ARMC9: variants seen among roughly 807,000 people sequenced by gnomAD.
ARMC9 encodes armadillo repeat containing 9.
Under a neutral mutation model 107.0 loss-of-function variants are expected in ARMC9, and 94 were observed. The ratio of observed to expected loss-of-function variants is 0.88; its 90% CI spans 0.74 to 1.04. The LOEUF (loss-of-function observed/expected upper bound fraction) is 1.04. Among genes scored for constraint, ARMC9 ranks in the 50% least tolerant of loss-of-function variants. The pLI, the probability that ARMC9 is intolerant of heterozygous loss-of-function variation, is 0.00. For missense variants in ARMC9, 942 were observed against 1,030.1 expected (o/e 0.91, Z 1.17); for synonymous variants, 380 against 396.9 (o/e 0.96, Z 0.51).
intron 14 of ARMC9, among the ~76,000 whole-genome samples, chr2:231,275,694 C>G (rs546024385): frequency 6.6e-6 from 1 of 152,220 alleles, no homozygotes; most frequent in Non-Finnish European, 1.5e-5. Context: ...TGGCTCACGC[C>G]TGTAATCCCA....
At chr2:231,315,252 A>C (rs1463360253) in intron 19 of ARMC9, among the ~76,000 whole-genome samples, 2 of 144,918 alleles carry the variant, frequency 1.4e-5, no homozygotes, top group African/African-American at 2.6e-5. Flanking sequence ...AAAAAAAAAA[A>C]AAAATGCTGG....
intron 5 of ARMC9, among the ~76,000 whole-genome samples, chr2:231,217,800 C>G (rs906803881): frequency 3.9e-5 from 6 of 152,254 alleles, no homozygotes; most frequent in Admixed American, 3.9e-4. Context: ...AAGCGATTCT[C>G]TTGCCTCAGC....
chr2:231,262,307 G>T lies in ARMC9; in HGVS notation c.1028G>T (p.Arg343Leu). The T allele has an allele frequency of 6.2e-7, 1 of 1,614,046 alleles. No individual in the cohort carries two copies. The highest frequency in any genetic ancestry group is 8.5e-7 in the Non-Finnish European group (1 of 1,179,978). Reference protein sequence around the residue: ...KAFLLQALRWRLTTSHPGEQR... With the variant: ...KAFLLQALRWLLTTSHPGEQR... ...TACTTTTGTTTTTCTTTGCTCCAGC[G>T]CTTGACCACATCCCATCCTGGAGAG... Residue 343 changes from arginine (R) to leucine (L), a missense_variant and splice_region_variant, in exon 12 of 25, where the codon CGC becomes CTC. Coordinates refer to ENST00000611582, the MANE Select transcript of ARMC9 (RefSeq NM_001352754.2).
chr2:231,231,360 A>ACT (rs1323292489), intron 7 of ARMC9, among the ~76,000 whole-genome samples: 1 of 151,476 alleles, frequency 6.6e-6, no homozygotes, highest in African/African-American at 2.4e-5. Context: ...CTAATTTTGA[A>ACT]CTCTCTATAT....
At chr2:231,287,856 T>G (rs1437963855) in intron 17 of ARMC9, among the ~76,000 whole-genome samples, 2 of 152,190 alleles carry the variant, frequency 1.3e-5, no homozygotes, top group East Asian at 3.8e-4. Context: ...ATCAGAATGT[T>G]CATTCCAGCT....
At chr2:231,198,794 A>C (rs2030171865) in intron 1 of ARMC9, 96 bp downstream of exon 1, 1 of 152,100 alleles carries the variant, frequency 6.6e-6, no homozygotes, top group Non-Finnish European at 1.5e-5. Flanking sequence ...GGCTCTGCGG[A>C]CCTCTTGTTC....
intron 17 of ARMC9, among the ~76,000 whole-genome samples, chr2:231,282,927 T>G (rs1298784438): frequency 6.6e-6 from 1 of 152,126 alleles, no homozygotes; most frequent in Non-Finnish European, 1.5e-5. Context: ...TTATGGTCAT[T>G]TAGGTGAAAG....
chr2:231,231,825 A>C (rs905723739), intron 7 of ARMC9, among the ~76,000 whole-genome samples: 1 of 151,576 alleles, frequency 6.6e-6, no homozygotes, highest in African/African-American at 2.4e-5. Flanking sequence ...AGTAGCTGGG[A>C]TTACAAGAGT....
At chr2:231,217,001 G>A (rs2033580340) in intron 5 of ARMC9, among the ~76,000 whole-genome samples, 1 of 152,168 alleles carries the variant, frequency 6.6e-6, no homozygotes, top group South Asian at 2.1e-4. Context: ...ACTAGCAGTG[G>A]TTTGCAACTT....
At position 231,216,988 on chromosome 2, in the gene ARMC9, T is replaced by G. The variant is rs533985295; in HGVS notation, c.504+195T>G. On this transcript the variant is annotated intron_variant, in intron 5 of 24. Coordinates refer to ENST00000611582, the MANE Select transcript of ARMC9 (RefSeq NM_001352754.2). ...TAGTTAGGTTTGGTTTTTGCCATCC[T>G]ATACTAGCAGTGGTTTGCAACTTCT... 1.9e-3 allele frequency among the ~76,000 whole-genome samples: 297 copies of G among 152,380 alleles called. 1 individual carries two copies. The highest frequency in any genetic ancestry group is 6.9e-3 in the African/African-American group (285 of 41,594).
chr2:231,204,894 G>C (rs1462126093), intron 1 of ARMC9, among the ~76,000 whole-genome samples: 4 of 152,072 alleles, frequency 2.6e-5, no homozygotes, highest in African/African-American at 9.7e-5. Context: ...CAGAGGCCAA[G>C]TTGTCTAGGG....
intron 23 of ARMC9, among the ~76,000 whole-genome samples, chr2:231,368,032 A>C (rs1266434188): frequency 6.6e-6 from 1 of 152,136 alleles, no homozygotes; most frequent in Non-Finnish European, 1.5e-5. Context: ...TAATGACACA[A>C]AATATCAAAA....
intron 5 of ARMC9, among the ~76,000 whole-genome samples, chr2:231,220,383 G>C (rs1486536209): frequency 6.6e-6 from 1 of 151,976 alleles, no homozygotes; most frequent in Non-Finnish European, 1.5e-5. Context: ...GATCACCTGA[G>C]GTCAGGAGTT....
intron 19 of ARMC9, among the ~76,000 whole-genome samples, chr2:231,328,819 C>CTTTTTTTTTT (rs781598910): frequency 3.5e-5 from 4 of 115,238 alleles, no homozygotes; most frequent in African/African-American, 9.3e-5. Flanking sequence ...CTTTTCTTTT[C>CTTTTTTTTTT]TTTTTTTTTT....
chr2:231,274,718 G>A (rs2039618747), intron 14 of ARMC9, among the ~76,000 whole-genome samples: 1 of 152,192 alleles, frequency 6.6e-6, no homozygotes, highest in South Asian at 2.1e-4. Context: ...ATCAAATGTG[G>A]TTTACATTTG....
At chr2:231,361,556 G>T (rs1483421463) in intron 23 of ARMC9, among the ~76,000 whole-genome samples, 1 of 151,690 alleles carries the variant, frequency 6.6e-6, no homozygotes, top group Non-Finnish European at 1.5e-5. Context: ...GCACAGACTG[G>T]CCCTGTGGGT....
rs148296188 is a variant in ARMC9 at position 231,291,371 on chromosome 2, C to T, written c.1645C>T (p.Arg549Cys). 0.017 allele frequency: 27,153 copies of T among 1,613,390 alleles called. 301 individuals are homozygous for T. Among genetic ancestry groups the T allele is most frequent in the Non-Finnish European group, 0.021 (24,676 of 1,179,498 alleles). The change falls in exon 18 of 25, where the codon CGC (arginine) becomes TGC (cysteine). Residue 549 changes from arginine (R) to cysteine (C), a missense_variant. Arg to Cys is a radical substitution (Grantham distance 180, BLOSUM62 -3). Coordinates refer to ENST00000611582, the MANE Select transcript of ARMC9 (RefSeq NM_001352754.2). ...CTTCTAGGGAATGGAAGACATCCTA[C>T]GCTGCTTCATCAAAGAAGGCAATGC... ...ARAMGMEDIL[R>C]CFIKEGNAEM... is the part of the protein sequence containing the mutation.
At chr2:231,315,134 G>A (rs1353665366) in intron 19 of ARMC9, among the ~76,000 whole-genome samples, 1 of 151,542 alleles carries the variant, frequency 6.6e-6, no homozygotes, top group African/African-American at 2.4e-5. Flanking sequence ...AGTTACTTGG[G>A]AGGCTGAGGC....
In ARMC9 at chr2:231,322,102, T is replaced by C. The variant is rs11904326; in HGVS notation, c.1774-9691T>C. ...ACTGGTCTGGTTGTGAAACCAACTG[T>C]CATACCCTGGGCTGCATTTTTGTGA... On this transcript the variant is annotated intron_variant, in intron 19 of 24. Coordinates refer to ENST00000611582, the MANE Select transcript of ARMC9 (RefSeq NM_001352754.2). Among the ~76,000 whole-genome samples the C allele has an allele frequency of 5.6e-3, 852 of 152,372 alleles. 12 individuals are homozygous for C. Among genetic ancestry groups the C allele is most frequent in the African/African-American group, 0.018 (765 of 41,592 alleles).
Sources: gnomAD v4.1 joint callset for allele counts (sites outside exome capture counted in the v4.1 genomes callset) on GRCh38, gnomAD v4.1.1 for gene constraint, MANE v1.5 for transcripts, NCBI Gene and HGNC (gene_info 2026-07-23, HGNC 2026-07-21) for gene names.